GRIP1: variants seen among roughly 807,000 people sequenced by gnomAD.
The protein encoded by GRIP1 is glutamate receptor interacting protein 1.
Under a neutral mutation model 129.9 loss-of-function variants are expected in GRIP1, and 45 were observed. That is an observed-to-expected ratio of 0.35 (90% CI 0.27 to 0.44). The LOEUF is 0.44. Ranked by LOEUF, GRIP1 falls within the 20% of genes least tolerant of loss-of-function variation. The pLI, the probability that GRIP1 is intolerant of heterozygous loss-of-function variation, is 1.00. For missense variants in GRIP1, 1,196 were observed against 1,396.8 expected, an observed-to-expected ratio of 0.86 and a Z score of 2.29; for synonymous variants, 530 against 520.8, an observed-to-expected ratio of 1.02 and a Z score of -0.24.
intron 1 of GRIP1, among the ~76,000 whole-genome samples, chr12:66,756,695 T>A (rs541523116): frequency 9.9e-5 from 15 of 152,156 alleles, no homozygotes; most frequent in Non-Finnish European, 2.2e-4. Flanking sequence ...GCATGCATCA[T>A]CTCATTTAAT....
At chr12:66,392,566 T>C in intron 18 of GRIP1, 64 bp from the exon 19 acceptor site, 1 of 1,569,466 alleles carries the variant, frequency 6.4e-7, no homozygotes, top group Non-Finnish European at 8.8e-7. Flanking sequence ...ACCAAGATAC[T>C]CCGTGGCTAG....
intron 1 of GRIP1, among the ~76,000 whole-genome samples, chr12:66,986,467 G>A (rs2042312498): frequency 6.7e-6 from 1 of 149,354 alleles, no homozygotes; most frequent in African/African-American, 2.5e-5. Flanking sequence ...AGAAAATGTG[G>A]CACATATACA....
At chr12:67,028,211 C>G (rs571296394) in intron 1 of GRIP1, among the ~76,000 whole-genome samples, 1 of 152,198 alleles carries the variant, frequency 6.6e-6, no homozygotes, top group Non-Finnish European at 1.5e-5. Flanking sequence ...CCTGGTTTCT[C>G]TTATTAATAC....
intron 1 of GRIP1, among the ~76,000 whole-genome samples, chr12:66,964,846 T>C (rs2041972805): frequency 6.6e-6 from 1 of 152,134 alleles, no homozygotes; most frequent in Non-Finnish European, 1.5e-5. Flanking sequence ...TGGTTTCCTC[T>C]GAGGCCTCTT....
At chr12:66,500,649 A>T (rs2060366586) in intron 7 of GRIP1, among the ~76,000 whole-genome samples, 4 of 152,194 alleles carry the variant, frequency 2.6e-5, no homozygotes, top group Middle Eastern at 3.2e-3. Flanking sequence ...ATAATTCAGT[A>T]GGAGAGGTGA....
chr12:66,905,126 A>G (rs967863257), intron 1 of GRIP1, among the ~76,000 whole-genome samples: 2 of 152,150 alleles, frequency 1.3e-5, no homozygotes, highest in Non-Finnish European at 2.9e-5. Flanking sequence ...TTCAGTAAAC[A>G]TTTTCAAAAT....
At chr12:66,388,661 GGAA>G (rs1186544233) in intron 19 of GRIP1, among the ~76,000 whole-genome samples, 1 of 152,224 alleles carries the variant, frequency 6.6e-6, no homozygotes, top group East Asian at 1.9e-4. Flanking sequence ...GAGGCCAACT[GGAA>G]GAAGTCAGCC....
chr12:66,405,368 A>C (rs1212636026), intron 16 of GRIP1, among the ~76,000 whole-genome samples: 1 of 152,222 alleles, frequency 6.6e-6, no homozygotes. Context: ...GTAATTCCCC[A>C]CATTAGCTGA....
intron 1 of GRIP1, among the ~76,000 whole-genome samples, chr12:66,756,289 C>G (rs2037285930): frequency 6.6e-6 from 1 of 152,100 alleles, no homozygotes; most frequent in Non-Finnish European, 1.5e-5. Context: ...TCATATTTGT[C>G]TTTTGGTGAC....
At chr12:66,764,745 A>G (rs936293304) in intron 1 of GRIP1, among the ~76,000 whole-genome samples, 2 of 152,154 alleles carry the variant, frequency 1.3e-5, no homozygotes, top group Non-Finnish European at 2.9e-5. Flanking sequence ...AAGTGTAACC[A>G]GCCATAAAGA....
intron 1 of GRIP1, among the ~76,000 whole-genome samples, chr12:66,895,964 G>A (rs1046810878): frequency 2.0e-5 from 3 of 152,174 alleles, no homozygotes; most frequent in Non-Finnish European, 4.4e-5. Context: ...AAAAGTCACT[G>A]CCAGTTCTGC....
chr12:66,842,274 T>G (rs2039732877), intron 1 of GRIP1, among the ~76,000 whole-genome samples: 1 of 152,084 alleles, frequency 6.6e-6, no homozygotes. Context: ...ATGTATAATT[T>G]TATATCCTAT....
intron 2 of GRIP1, among the ~76,000 whole-genome samples, chr12:66,546,208 G>A (rs1234574258): frequency 6.6e-6 from 1 of 152,160 alleles, no homozygotes; most frequent in East Asian, 1.9e-4. Flanking sequence ...CTGTGTGGTA[G>A]GCCAGGTGCA....
At chr12:67,059,284 A>G (rs1168855732) in intron 1 of GRIP1, among the ~76,000 whole-genome samples, 1 of 152,148 alleles carries the variant, frequency 6.6e-6, no homozygotes, top group Non-Finnish European at 1.5e-5. Context: ...CACAAACCAC[A>G]AGGATCTCAC....
chr12:66,552,527 G>A (rs1320530887), intron 2 of GRIP1, among the ~76,000 whole-genome samples: 1 of 152,048 alleles, frequency 6.6e-6, no homozygotes, highest in Non-Finnish European at 1.5e-5. Context: ...GAAAATTAGG[G>A]TCCTTTCATT....
At chr12:66,676,647 G>A (rs989518979) in intron 1 of GRIP1, among the ~76,000 whole-genome samples, 3 of 152,122 alleles carry the variant, frequency 2.0e-5, no homozygotes, top group Non-Finnish European at 4.4e-5. Flanking sequence ...GCCCTCAATG[G>A]GTATAAAGAA....
intron 23 of GRIP1, among the ~76,000 whole-genome samples, chr12:66,353,782 A>G (rs1329010182): frequency 6.6e-6 from 1 of 152,348 alleles, no homozygotes; most frequent in South Asian, 2.1e-4. Context: ...AAGGAGGAGA[A>G]CTGGAACGTC....
At chr12:66,523,408 A>G (rs1274787898) in intron 5 of GRIP1, among the ~76,000 whole-genome samples, 2 of 148,008 alleles carry the variant, frequency 1.4e-5, no homozygotes, top group Admixed American at 1.3e-4. Context: ...TTCAACCCAG[A>G]ATTTCATATC....
At chr12:66,787,976 A>G (rs1055002984) in intron 1 of GRIP1, among the ~76,000 whole-genome samples, 1 of 152,030 alleles carries the variant, frequency 6.6e-6, no homozygotes, top group African/African-American at 2.4e-5. Context: ...CTGAGTTCAT[A>G]TGATTTAGAT....
Sources: gnomAD v4.1 joint callset for allele counts (sites outside exome capture counted in the v4.1 genomes callset) on GRCh38, gnomAD v4.1.1 for gene constraint, MANE v1.5 for transcripts, NCBI Gene and HGNC (gene_info 2026-07-23, HGNC 2026-07-21) for gene names.